PAPLN: variants seen among roughly 807,000 people sequenced by gnomAD.
The protein encoded by PAPLN is papilin, proteoglycan like sulfated glycoprotein, also known as papilin.
Under a neutral mutation model 159.0 loss-of-function variants are expected in PAPLN, and 146 were observed. That is an observed-to-expected ratio of 0.92 (90% confidence interval 0.80 to 1.05). The LOEUF is 1.05. PAPLN is among the 50% of genes least tolerant of loss of function. The probability of loss-of-function intolerance (pLI) is 0.00; values close to 1 mark genes in which losing one functional copy is unlikely to be tolerated. For missense variants in PAPLN, 1,720 were observed against 1,743.9 expected, an observed-to-expected ratio of 0.99 and a Z score of 0.24; for synonymous variants, 734 against 702.9, an observed-to-expected ratio of 1.04 and a Z score of -0.70.
chr14:73,269,056 ATAAAACT>A (rs748178309), intron 26 of PAPLN, among the ~76,000 whole-genome samples: 69 of 152,346 alleles, frequency 4.5e-4, no homozygotes, highest in East Asian at 2.7e-3. Flanking sequence ...GAATTTCATT[ATAAAACT>A]TAAAACTTAA....
chr14:73,255,167 C>A (rs1043340293), intron 14 of PAPLN, 149 bp downstream of exon 14: 14 of 1,214,888 alleles, frequency 1.2e-5, no homozygotes, highest in Non-Finnish European at 1.2e-5. Flanking sequence ...CCGCTGAACC[C>A]TTTGCCATCT....
In PAPLN at chr14:73,248,075, C is replaced by CTGTGTGTGTGTGTG. The variant is rs71112722; in HGVS notation, c.335-1890_335-1877dup. Among the ~76,000 whole-genome samples the CTGTGTGTGTGTGTG allele has an allele frequency of 1.1e-4, 5 of 45,602 alleles. 1 individual carries two copies. The highest frequency in any genetic ancestry group is 4.7e-4 in the African/African-American group (3 of 6,396). The allele number at this position is 45,602 out of a possible 152,430, so 29.9% of individuals were successfully genotyped here. On this transcript the variant is annotated intron_variant, in intron 5 of 26. Coordinates refer to ENST00000644200, the MANE Select transcript of PAPLN (RefSeq NM_001365906.3). The stretch of plus-strand genomic sequence containing the variant: ...TGGCCCAGTGGGAGTCTCATATCCT[C>CTGTGTGTGTGTGTG]TGTGTGTGTGTGTGTGTGTGTGTGT...
chr14:73,273,353 C>A lies in PAPLN; in HGVS notation c.*689C>A. ...TTGCCCAGGCTGGAGTACAATGGTG[C>A]GATCTTGGCTCACTGCAACCTCCAC... On this transcript the variant is annotated 3_prime_UTR_variant, in exon 27 of 27. Coordinates refer to ENST00000644200, the MANE Select transcript of PAPLN (RefSeq NM_001365906.3). 1 of 151,576 alleles carries A rather than the reference C, an allele frequency of 6.6e-6. No homozygotes were observed. The highest frequency in any genetic ancestry group is 2.1e-4 in the South Asian group (1 of 4,808). The allele number at this position is 151,576 out of a possible 1,614,324, so 9.4% of individuals were successfully genotyped here. A position where few individuals can be genotyped will look rare whatever the true frequency, so the allele number is the denominator to read the frequency against.
intron 3 of PAPLN, 88 bp downstream of exon 3, chr14:73,244,847 G>C (rs1884019525): frequency 2.0e-6 from 2 of 1,018,532 alleles, no homozygotes; most frequent in Non-Finnish European, 2.8e-6. Context: ...CGTGGCCTAG[G>C]CTAGCACTGG....
At position 73,250,969 on chromosome 14, in the gene PAPLN, G is replaced by T. The variant is rs745553442; in HGVS notation, c.528G>T (p.Gly176=). The T allele has an allele frequency of 6.2e-7, 1 of 1,613,668 alleles. No homozygotes were observed. The highest frequency in any genetic ancestry group is 8.5e-7 in the Non-Finnish European group (1 of 1,179,956). Residue 176 remains glycine (G), a synonymous_variant, in exon 7 of 27, where the codon GGG becomes GGT. Coordinates refer to ENST00000644200, the MANE Select transcript of PAPLN (RefSeq NM_001365906.3). ...AGGAGGACAAGTGTCTGCGGTGTGG[G>T]GGTGACGGCACGACCTGCTACCCCG... ...SKQEDKCLRC[G]GDGTTCYPVA...
At position 73,252,003 on chromosome 14, in the gene PAPLN, A is replaced by G. The variant is rs757643098; in HGVS notation, c.844-15A>G. On this transcript the variant is annotated splice_polypyrimidine_tract_variant and intron_variant, in intron 9 of 26. Coordinates refer to ENST00000644200, the MANE Select transcript of PAPLN (RefSeq NM_001365906.3). ...TCCCCAGCAGCAGACCCCAACAAGG[A>G]CTCTCCCGTGACAGCTCATCAGCCA... is the stretch of plus-strand genomic sequence containing the variant. 1 of 1,597,384 alleles carries G rather than the reference A, an allele frequency of 6.3e-7. No homozygotes were observed. Among genetic ancestry groups the G allele is most frequent in the Non-Finnish European group, 8.5e-7 (1 of 1,170,896 alleles).
At chr14:73,251,985 C>T (rs1183041128) in intron 9 of PAPLN, 33 bp from the exon 10 acceptor site, 1 of 1,584,428 alleles carries the variant, frequency 6.3e-7, no homozygotes, top group South Asian at 1.2e-5. Context: ...TGCTCCCCAG[C>T]AGCAGACCCC....
chr14:73,236,375 C>G (rs147760243), upstream of PAPLN, among the ~76,000 whole-genome samples: 4 of 152,164 alleles, frequency 2.6e-5, no homozygotes, highest in African/African-American at 9.7e-5. Flanking sequence ...GCAGGACATG[C>G]ACCCCATCGG....
intron 22 of PAPLN, 147 bp downstream of exon 22, chr14:73,264,873 G>T: frequency 7.7e-7 from 1 of 1,299,438 alleles, no homozygotes; most frequent in Non-Finnish European, 1.1e-6. Flanking sequence ...GAAAAACAGG[G>T]CTCCCAGAGC....
Position 73,264,203 on chromosome 14 carries a change from C to T in PAPLN, c.2862-8C>T, listed in dbSNP as rs748482818. On this transcript the variant is annotated splice_polypyrimidine_tract_variant and splice_region_variant and intron_variant, in intron 20 of 26. Transcript: ENST00000644200. ...AGAGCTCATGTCCTCCCACACCACC[C>T]CACTCAGGCACAGGCTGCAGTTCGA... 2.1e-5 allele frequency: 34 copies of T among 1,613,438 alleles called. No individual in the cohort carries two copies. Among genetic ancestry groups the T allele is most frequent in the East Asian group, 4.5e-5 (2 of 44,870 alleles).
chr14:73,254,671 C>G lies in PAPLN; in HGVS notation c.1461C>G (p.Ala487=), dbSNP rs1030018107. The G allele has an allele frequency of 6.2e-7, 1 of 1,613,790 alleles. No individual in the cohort carries two copies. The highest frequency in any genetic ancestry group is 8.5e-7 in the Non-Finnish European group (1 of 1,179,870). The change falls in exon 13 of 27, where the codon GCC becomes GCG. Residue 487 remains alanine (A), a synonymous_variant. Coordinates refer to ENST00000644200, the MANE Select transcript of PAPLN (RefSeq NM_001365906.3). ...HEDCPLLSDQ[A]WHVGTWGLCS... is the part of the protein sequence containing the mutation. ...ACTGCCCCCTCCTCAGTGACCAGGC[C>G]TGGCATGTTGGCACCTGGGGTCTAG...
At chr14:73,236,915 A>G (rs1883066996), upstream of PAPLN, among the ~76,000 whole-genome samples, 1 of 147,562 alleles carries the variant, frequency 6.8e-6, no homozygotes, top group African/African-American at 2.5e-5. Context: ...AGAGGAAGGG[A>G]GGGAGGGAAA....
Position 73,245,378 on chromosome 14 carries a change from G to A in PAPLN, c.171-258G>A. On this transcript the variant is annotated intron_variant, in intron 3 of 26. Coordinates refer to ENST00000644200, the MANE Select transcript of PAPLN (RefSeq NM_001365906.3). The surrounding 1 kb of genome is among the most constrained non-coding windows in gnomAD (Gnocchi z 4.2). The stretch of plus-strand genomic sequence containing the variant: ...CACCTCGGGTCTTCTCTGGGAATCT[G>A]CCTAAGATGCAGTGGAGTGGTCCCG... 7.6e-6 allele frequency: 4 copies of A among 525,602 alleles called. No homozygotes were observed. Among genetic ancestry groups the A allele is most frequent in the Non-Finnish European group, 1.4e-5 (4 of 292,060 alleles). 32.6% of individuals were successfully genotyped at this position (525,602 alleles called of 1,614,324 possible).
intron 17 of PAPLN, 129 bp from the exon 18 acceptor site, chr14:73,261,027 C>T: frequency 1.3e-6 from 2 of 1,501,482 alleles, no homozygotes; most frequent in African/African-American, 1.4e-5. Context: ...CCAACATTCT[C>T]CTGGCCTCTG....
rs141307523 is a variant in PAPLN at position 73,242,621 on chromosome 14, C to T, written c.55-2023C>T. 9 of 152,342 alleles carry T rather than the reference C, an allele frequency of 5.9e-5. No individual in the cohort carries two copies. In the East Asian group the frequency reaches 1.7e-3, roughly 29 times the overall value. The allele number at this position is 152,342 out of a possible 1,614,324, so 9.4% of individuals were successfully genotyped here. A position where few individuals can be genotyped will look rare whatever the true frequency, so the allele number is the denominator to read the frequency against. ...ACCCTTCACGCTCAACACTCAGTGT[C>T]TTCCTTGTGAAATAGAAACTTGATC... is the stretch of plus-strand genomic sequence containing the variant. On this transcript the variant is annotated intron_variant, in intron 2 of 26. Transcript: ENST00000644200.
At chr14:73,271,755 C>A (rs1887746691) in intron 26 of PAPLN, among the ~76,000 whole-genome samples, 1 of 152,168 alleles carries the variant, frequency 6.6e-6, no homozygotes, top group African/African-American at 2.4e-5. Context: ...CCGCCTTGGC[C>A]TCCCAAAGTG....
At chr14:73,255,069 C>T (rs776913640) in intron 14 of PAPLN, 51 bp downstream of exon 14, 56 of 1,566,316 alleles carry the variant, frequency 3.6e-5, no homozygotes, top group East Asian at 4.7e-5. Context: ...CTCTCCCACT[C>T]GCTACAAACC....
At chr14:73,252,291 T>A (rs1019935888) in intron 10 of PAPLN, 150 bp downstream of exon 10, 7 of 1,298,288 alleles carry the variant, frequency 5.4e-6, no homozygotes, top group Non-Finnish European at 7.1e-6. Context: ...TGGGGGTCGC[T>A]TTGAGGAAAA....
chr14:73,239,355 A>AT (rs1353603956), intron 1 of PAPLN, among the ~76,000 whole-genome samples: 1 of 152,198 alleles, frequency 6.6e-6, no homozygotes, highest in African/African-American at 2.4e-5. Context: ...CAGAGACTTG[A>AT]TTTTTTTAAA....
Sources: gnomAD v4.1 joint callset for allele counts (sites outside exome capture counted in the v4.1 genomes callset) on GRCh38, gnomAD v4.1.1 for gene constraint, Gnocchi (gnomAD v3.1) non-coding constraint, MANE v1.5 for transcripts, NCBI Gene and HGNC (gene_info 2026-07-23, HGNC 2026-07-21) for gene names.